The following LDLRAD4 variants were observed in gnomAD, a reference collection of about 807,000 sequenced individuals.
LDLRAD4 encodes low-density lipoprotein receptor class A domain-containing protein 4.
A neutral mutation model predicts 17.0 loss-of-function variants in LDLRAD4; 5 were observed. That is an observed-to-expected ratio of 0.29 (90% CI 0.15 to 0.62). LDLRAD4 has a LOEUF of 0.62. Among genes scored for constraint, LDLRAD4 ranks in the 20% least tolerant of loss-of-function variants. The pLI is 0.84. For missense variants in LDLRAD4, 340 were observed against 424.7 expected, an observed-to-expected ratio of 0.80 and a Z score of 1.75; for synonymous variants, 168 against 171.8, an observed-to-expected ratio of 0.98 and a Z score of 0.17.
Position 13,621,260 on chromosome 18 carries a change from G to C in LDLRAD4, c.325G>C (p.Gly109Arg), listed in dbSNP as rs1194759869. The C allele has an allele frequency of 5.6e-6, 9 of 1,612,274 alleles. No homozygotes were observed. Among genetic ancestry groups the C allele is most frequent in the East Asian group, 2.2e-5 (1 of 44,892 alleles). Residue 109 changes from glycine (G) to arginine (R), a missense_variant, in exon 4 of 6, where the codon GGG becomes CGG. Physicochemically the swap from Gly to Arg is moderately radical, Grantham distance 125. Coordinates refer to ENST00000359446, the Ensembl canonical transcript of LDLRAD4. The surrounding 1 kb of genome is among the most constrained non-coding windows in gnomAD (Gnocchi z 5.5). ...GAACCAGAGCCGGAGGCGGGAGGAC[G>C]GGCTGCCGCAGGTGAGTACCCTGGC...
intron 3 of LDLRAD4, among the ~76,000 whole-genome samples, chr18:13,479,018 AGGC>A (rs2093018641): frequency 6.6e-6 from 1 of 152,218 alleles, no homozygotes; most frequent in Non-Finnish European, 1.5e-5. Context: ...AATACGGTGG[AGGC>A]AAGATTATCT....
chr18:13,310,036 T>C (rs1220437340), intron 1 of LDLRAD4, among the ~76,000 whole-genome samples: 1 of 152,110 alleles, frequency 6.6e-6, no homozygotes, highest in Admixed American at 6.6e-5. Flanking sequence ...GTCCACTTCT[T>C]TCCTTTCAGA....
At chr18:13,422,464 A>G (rs560241417) in intron 2 of LDLRAD4, among the ~76,000 whole-genome samples, 1 of 151,854 alleles carries the variant, frequency 6.6e-6, no homozygotes, top group African/African-American at 2.4e-5. Flanking sequence ...TGGGAGGTGA[A>G]GGTGGGAGGA....
intron 1 of LDLRAD4, among the ~76,000 whole-genome samples, chr18:13,361,956 G>C (rs543001269): frequency 2.0e-5 from 3 of 152,056 alleles, no homozygotes; most frequent in East Asian, 3.9e-4. Flanking sequence ...TAGGAGGCGA[G>C]TTTTGACTGT....
At position 13,621,689 on chromosome 18, in the gene LDLRAD4, C is replaced by T. The variant is rs911932573; in HGVS notation, c.336+418C>T. Among the ~76,000 whole-genome samples the T allele has an allele frequency of 3.9e-5, 6 of 152,316 alleles. No individual in the cohort carries two copies. The East Asian group carries it at 7.7e-4, about 20-fold the overall frequency. On this transcript the variant is annotated intron_variant, in intron 4 of 5. Transcript: ENST00000359446. This position sits in a 1 kb window ranked among gnomAD's most constrained non-coding sequence, Gnocchi z 5.5. ...CTGGAGGTGCTGCGGGGACAAATCA[C>T]GCGCTCATCGTCACTAAACGTGCCG...
At chr18:13,555,449 G>C (rs1025732221) in intron 3 of LDLRAD4, among the ~76,000 whole-genome samples, 6 of 152,002 alleles carry the variant, frequency 3.9e-5, no homozygotes, top group African/African-American at 1.5e-4. Flanking sequence ...TTTTCTCTTT[G>C]TAGAAATGAT....
At chr18:13,261,570 C>T (rs1416698183) in intron 1 of LDLRAD4, among the ~76,000 whole-genome samples, 2 of 152,206 alleles carry the variant, frequency 1.3e-5, no homozygotes, top group African/African-American at 2.4e-5. Context: ...TATCCCTAAC[C>T]TCAGCCGTAC....
rs2046542381 is a variant in LDLRAD4 at position 13,300,689 on chromosome 18, G to C, written c.-383+22501G>C. 6.6e-6 allele frequency among the ~76,000 whole-genome samples: 1 copy of C among 152,194 alleles called. No homozygotes were observed. The highest frequency in any genetic ancestry group is 1.5e-5 in the Non-Finnish European group (1 of 68,030). On this transcript the variant is annotated intron_variant, in intron 1 of 5. Transcript: ENST00000359446. The surrounding 1 kb of genome is among the most constrained non-coding windows in gnomAD (Gnocchi z 4.2). ...CAGCCCCTGCACCCAAGAATTTCTT[G>C]GTGGCGTTCACACTAAGAAGTGTCA...
At chr18:13,271,859 C>T (rs1012931129) in intron 1 of LDLRAD4, among the ~76,000 whole-genome samples, 3 of 146,556 alleles carry the variant, frequency 2.0e-5, no homozygotes, top group African/African-American at 5.1e-5. Context: ...CTGCTCCCAG[C>T]AAGTCAGTTT....
At chr18:13,585,083 TAAG>T (rs1312315684) in intron 3 of LDLRAD4, among the ~76,000 whole-genome samples, 1 of 152,204 alleles carries the variant, frequency 6.6e-6, no homozygotes, top group Non-Finnish European at 1.5e-5. Context: ...CTGGCTGGAA[TAAG>T]AATGAGCCTC....
intron 2 of LDLRAD4, among the ~76,000 whole-genome samples, chr18:13,392,705 G>A (rs919515738): frequency 4.6e-5 from 7 of 152,210 alleles, no homozygotes; most frequent in African/African-American, 1.7e-4. Context: ...GGATGCTGCA[G>A]AGGTTTTGCA....
At chr18:13,642,973 T>C (rs2148989541) in intron 4 of LDLRAD4, among the ~76,000 whole-genome samples, 1 of 151,540 alleles carries the variant, frequency 6.6e-6, no homozygotes, top group East Asian at 1.9e-4. Flanking sequence ...TCTCACTCTG[T>C]CGCCCAGGCT....
At chr18:13,490,512 GA>G (rs1292394897) in intron 3 of LDLRAD4, 1 of 152,160 alleles carries the variant, frequency 6.6e-6, no homozygotes, top group Non-Finnish European at 1.5e-5. Context: ...CATTGAAATG[GA>G]ACATTTTTTC....
chr18:13,560,449 C>T (rs115280419), intron 3 of LDLRAD4, among the ~76,000 whole-genome samples: 1,692 of 152,306 alleles, frequency 0.011, 35 homozygotes, highest in African/African-American at 0.039. Context: ...GGACCTGCAT[C>T]GTACCTGAGG....
At chr18:13,431,728 T>C (rs2090348590) in intron 2 of LDLRAD4, among the ~76,000 whole-genome samples, 1 of 152,238 alleles carries the variant, frequency 6.6e-6, no homozygotes, top group African/African-American at 2.4e-5. Flanking sequence ...GAGGCTCTTC[T>C]CTGGTAATCT....
intron 2 of LDLRAD4, among the ~76,000 whole-genome samples, chr18:13,435,631 A>G (rs576534000): frequency 9.9e-5 from 15 of 152,108 alleles, no homozygotes; most frequent in Non-Finnish European, 1.9e-4. Flanking sequence ...ACTTTTTTGT[A>G]GAGACAGGGT....
intron 1 of LDLRAD4, among the ~76,000 whole-genome samples, chr18:13,312,667 A>G (rs1236040463): frequency 1.3e-5 from 2 of 152,192 alleles, no homozygotes; most frequent in Non-Finnish European, 2.9e-5. Flanking sequence ...GCTTGAGTCT[A>G]GAAGTTCCAG....
intron 2 of LDLRAD4, among the ~76,000 whole-genome samples, chr18:13,406,891 G>A (rs1024936299): frequency 3.9e-5 from 6 of 152,132 alleles, no homozygotes; most frequent in South Asian, 2.1e-4. Flanking sequence ...GTGGTGTGGC[G>A]GGTGAAGGTG....
At chr18:13,517,328 T>C (rs7241766) in intron 3 of LDLRAD4, among the ~76,000 whole-genome samples, 47,953 of 152,154 alleles carry the variant, frequency 0.32, 8,049 homozygotes, top group Middle Eastern at 0.51. Flanking sequence ...ACACATCTTC[T>C]TTCTCTAACT....
Sources: gnomAD v4.1 joint callset for allele counts (sites outside exome capture counted in the v4.1 genomes callset) on GRCh38, gnomAD v4.1.1 for gene constraint, Gnocchi (gnomAD v3.1) non-coding constraint, MANE v1.5 for transcripts, NCBI Gene and HGNC (gene_info 2026-07-23, HGNC 2026-07-21) for gene names.